The following TTC28 variants were observed in gnomAD, a reference collection of about 807,000 sequenced individuals.
The protein encoded by TTC28 is tetratricopeptide repeat protein 28.
In TTC28, 61 loss-of-function variants were observed where a neutral mutation model predicts 198.0. The observed-to-expected ratio is 0.31, with a 90% CI of 0.25 to 0.38. The LOEUF is 0.38. Among genes scored for constraint, TTC28 ranks in the 10% least tolerant of loss-of-function variants. The pLI, the probability that TTC28 is intolerant of heterozygous loss-of-function variation, is 1.00. For missense variants in TTC28, 2,678 were observed against 3,164.0 expected (o/e 0.85, Z 3.69); for synonymous variants, 1,171 against 1,297.8 (o/e 0.90, Z 2.10).
intron 5 of TTC28, among the ~76,000 whole-genome samples, chr22:28,285,191 T>C (rs908405171): frequency 6.6e-6 from 1 of 152,174 alleles, no homozygotes. Flanking sequence ...AAAATATATG[T>C]ACAATGAAAT....
At chr22:28,313,174 TCCCTGAATAGA>T (rs2045295580) in intron 2 of TTC28, among the ~76,000 whole-genome samples, 1 of 152,130 alleles carries the variant, frequency 6.6e-6, no homozygotes, top group South Asian at 2.1e-4. Flanking sequence ...AGAAGTTGAA[TCCCTGAATAGA>T]CCAATAACAG....
At chr22:28,076,241 GAT>G (rs1317393974) in intron 12 of TTC28, among the ~76,000 whole-genome samples, 9 of 152,278 alleles carry the variant, frequency 5.9e-5, no homozygotes. Flanking sequence ...TACCTATAAT[GAT>G]AATTTTAAAT....
rs879700854 is a variant in TTC28 at position 28,326,069 on chromosome 22, T to C, written c.382-19426A>G. ...AGCTCTATTCATAATTTCCCCAAAC[T>C]AGAAACAATCCAAATGTCCTTCAAT... On this transcript the variant is annotated intron_variant, in intron 2 of 22. Coordinates refer to ENST00000397906, the MANE Select transcript of TTC28 (RefSeq NM_001145418.2). 4.6e-5 allele frequency among the ~76,000 whole-genome samples: 7 copies of C among 152,182 alleles called. No individual in the cohort carries two copies. In the East Asian group the frequency reaches 1.4e-3, roughly 29 times the overall value.
intron 12 of TTC28, among the ~76,000 whole-genome samples, chr22:28,071,045 A>G (rs1940946211): frequency 6.6e-6 from 1 of 152,106 alleles, no homozygotes; most frequent in Admixed American, 6.6e-5. Context: ...GTGTCAGGGC[A>G]TGGGAGGAGA....
intron 2 of TTC28, among the ~76,000 whole-genome samples, chr22:28,452,677 G>T (rs2047800836): frequency 6.6e-6 from 1 of 152,060 alleles, no homozygotes; most frequent in Non-Finnish European, 1.5e-5. Context: ...TGGGGGAATG[G>T]GACAGGGGCG....
intron 5 of TTC28, among the ~76,000 whole-genome samples, chr22:28,295,444 G>A (rs972465241): frequency 2.6e-5 from 4 of 152,088 alleles, no homozygotes; most frequent in Non-Finnish European, 2.9e-5. Flanking sequence ...GCACCATGCC[G>A]GGCACTTTAC....
intron 2 of TTC28, among the ~76,000 whole-genome samples, chr22:28,519,229 G>C (rs2048850826): frequency 6.6e-6 from 1 of 152,122 alleles, no homozygotes; most frequent in Non-Finnish European, 1.5e-5. Flanking sequence ...GGTCCATTAG[G>C]AATAGAAGAA....
intron 2 of TTC28, among the ~76,000 whole-genome samples, chr22:28,569,902 A>T (rs574926047): frequency 6.6e-6 from 1 of 152,354 alleles, no homozygotes; most frequent in East Asian, 1.9e-4. Context: ...GGACATGAAC[A>T]GACACTTTTC....
In TTC28 at chr22:27,985,392, C is replaced by T. The variant is rs535289916; in HGVS notation, c.5708-36G>A. ...AAAGAATATAAGCATCTGCTTCCTTCGGGAAGATTCCAGATCTTGAACATG... is the reference window on the plus strand; with the variant it reads ...AAAGAATATAAGCATCTGCTTCCTTTGGGAAGATTCCAGATCTTGAACATG... On this transcript the variant is annotated intron_variant, in intron 21 of 22. Transcript: ENST00000397906. 3,369 of 1,495,966 alleles carry T rather than the reference C, an allele frequency of 2.3e-3. 6 individuals are homozygous for T. Among genetic ancestry groups the T allele is most frequent in the Non-Finnish European group, 2.7e-3 (2,985 of 1,098,058 alleles). 92.7% of individuals were successfully genotyped at this position (1,495,966 alleles called of 1,614,324 possible). A position where few individuals can be genotyped will look rare whatever the true frequency, so the allele number is the denominator to read the frequency against.
intron 2 of TTC28, among the ~76,000 whole-genome samples, chr22:28,577,807 T>C (rs1569036437): frequency 6.6e-6 from 1 of 152,154 alleles, no homozygotes; most frequent in Non-Finnish European, 1.5e-5. Context: ...TGGTTTCCAT[T>C]TGCATGGAGT....
intron 1 of TTC28, among the ~76,000 whole-genome samples, chr22:28,656,372 G>C (rs1285861684): frequency 6.6e-6 from 1 of 152,170 alleles, no homozygotes; most frequent in East Asian, 1.9e-4. Flanking sequence ...GCACTCACAG[G>C]AACAGCAGAG....
intron 4 of TTC28, among the ~76,000 whole-genome samples, chr22:28,297,296 T>G (rs1186425136): frequency 6.6e-6 from 1 of 151,958 alleles, no homozygotes; most frequent in Non-Finnish European, 1.5e-5. Flanking sequence ...AGTGTAACTT[T>G]GAATGCCTGG....
intron 18 of TTC28, 130 bp downstream of exon 18, chr22:27,993,157 A>G (rs903065201): frequency 2.4e-6 from 2 of 834,256 alleles, no homozygotes; most frequent in Non-Finnish European, 3.6e-6. Flanking sequence ...ACCCCCTGCC[A>G]TTTCTCAGGA....
chr22:28,079,766 T>A (rs1941278734), intron 12 of TTC28, among the ~76,000 whole-genome samples: 1 of 152,196 alleles, frequency 6.6e-6, no homozygotes, highest in Non-Finnish European at 1.5e-5. Context: ...TCTCGCTCTG[T>A]CACCTAGGCT....
intron 6 of TTC28, among the ~76,000 whole-genome samples, chr22:28,113,241 G>A (rs1364905210): frequency 6.6e-6 from 1 of 152,162 alleles, no homozygotes; most frequent in Admixed American, 6.5e-5. Flanking sequence ...AATGGAAGTG[G>A]TCTTCTCATG....
chr22:28,516,076 G>A (rs541347201), intron 2 of TTC28, among the ~76,000 whole-genome samples: 1 of 151,716 alleles, frequency 6.6e-6, no homozygotes, highest in Admixed American at 6.6e-5. Flanking sequence ...AACCCAGGAG[G>A]CGGAGGTTGC....
intron 21 of TTC28, among the ~76,000 whole-genome samples, chr22:27,987,560 T>C (rs1330656183): frequency 6.6e-6 from 1 of 152,096 alleles, no homozygotes; most frequent in Non-Finnish European, 1.5e-5. Context: ...GGCGAACCCC[T>C]GTGTCTACAA....
In TTC28 at chr22:27,982,350, G is replaced by A. The variant is rs1185394593; in HGVS notation, c.7317C>T (p.Thr2439=). ...CGGGCAGCGGCAGTGAGCCCAGCGA[G>A]GTGGTCTCGGTGCGCCAGTGTCCGT... The part of the protein sequence containing the change: ...PPNGHWRTET[T]SLGSLPLPAG... The change falls in exon 23 of 23, where the codon ACC becomes ACT. Residue 2439 remains threonine, a synonymous_variant. Transcript: ENST00000397906. The surrounding 1 kb of genome is among the most constrained non-coding windows in gnomAD (Gnocchi z 5.2). The A allele has an allele frequency of 3.2e-6, 5 of 1,547,378 alleles. No individual in the cohort carries two copies. The Admixed American group carries it at 7.9e-5, about 24-fold the overall frequency.
At chr22:28,305,058 G>C (rs2045111805) in intron 3 of TTC28, among the ~76,000 whole-genome samples, 1 of 151,808 alleles carries the variant, frequency 6.6e-6, no homozygotes, top group South Asian at 2.1e-4. Context: ...GTGCGATCTC[G>C]GCTCACTGCG....
Sources: gnomAD v4.1 joint callset for allele counts (sites outside exome capture counted in the v4.1 genomes callset) on GRCh38, gnomAD v4.1.1 for gene constraint, Gnocchi (gnomAD v3.1) non-coding constraint, MANE v1.5 for transcripts, NCBI Gene and HGNC (gene_info 2026-07-23, HGNC 2026-07-21) for gene names.